IGSF9B: variants seen among roughly 807,000 people sequenced by gnomAD.
The protein encoded by IGSF9B is protein turtle homolog B.
Under a neutral mutation model 143.7 loss-of-function variants are expected in IGSF9B, and 48 were observed. That is an observed-to-expected ratio of 0.33 (90% CI 0.26 to 0.42). The LOEUF is 0.42. IGSF9B is among the 20% of genes least tolerant of loss of function. The probability of loss-of-function intolerance (pLI) is 1.00; values close to 1 mark genes in which losing one functional copy is unlikely to be tolerated. For synonymous variants in IGSF9B, 903 were observed against 833.1 expected (o/e 1.08, Z -1.44); for missense variants, 1,706 against 1,980.0 (o/e 0.86, Z 2.63).
At chr11:133,934,423 A>C (rs1366815495) in intron 7 of IGSF9B, among the ~76,000 whole-genome samples, 2 of 152,150 alleles carry the variant, frequency 1.3e-5, no homozygotes, top group Non-Finnish European at 2.9e-5. Context: ...GCACATCCTA[A>C]GTCATGTATG....
chr11:133,920,493 G>C lies in IGSF9B; in HGVS notation c.3232C>G (p.Arg1078Gly), dbSNP rs187022741. The change falls in exon 18 of 20, where the codon CGA (arginine) becomes GGA (glycine). Residue 1078 changes from arginine to glycine, a missense_variant. Arg to Gly is a moderately radical substitution (Grantham distance 125, BLOSUM62 -2). Coordinates refer to ENST00000533871, the MANE Select transcript of IGSF9B (RefSeq NM_001277285.4). ...TGCAGGGAGGTGGGGGGCAGTCCTC[G>C]GGGGAGGCCGGCCTTGGGCTGCAGA... ...ESLQPKAGLP[R>G]GLPPTSLQVP... 1 of 1,582,700 alleles carries C rather than the reference G, an allele frequency of 6.3e-7. No individual in the cohort carries two copies. The highest frequency in any genetic ancestry group is 8.6e-7 in the Non-Finnish European group (1 of 1,163,712).
chr11:133,933,059 C>A (rs1939762975), intron 7 of IGSF9B, among the ~76,000 whole-genome samples: 1 of 152,122 alleles, frequency 6.6e-6, no homozygotes, highest in Admixed American at 6.5e-5. Context: ...AGGTGAGAAT[C>A]CAGGCCGGAG....
At position 133,925,750 on chromosome 11, in the gene IGSF9B, C is replaced by A; in HGVS notation, c.2023G>T (p.Asp675Tyr). 1 of 1,613,252 alleles carries A rather than the reference C, an allele frequency of 6.2e-7. No individual in the cohort carries two copies. Among genetic ancestry groups the A allele is most frequent in the Non-Finnish European group, 8.5e-7 (1 of 1,179,606 alleles). ...PGTEGEFFAK[D>Y]LSQDTWYEFR... is the part of the protein sequence containing the mutation. ...AGCAAAGCCCTCACCTGTGACAGAT[C>A]CTTGGCAAAGAACTCTCCTTCGGTG... is the stretch of plus-strand genomic sequence containing the variant. Residue 675 changes from aspartate to tyrosine, a missense_variant, in exon 14 of 20, where the codon GAT becomes TAT. Transcript: ENST00000533871.
chr11:133,902,016 TACACACACCATACC>T lies in IGSF9B; in HGVS notation c.*7039_*7052del, dbSNP rs1442650196. Among the ~76,000 whole-genome samples the T allele has an allele frequency of 2.1e-5, 2 of 96,890 alleles. No homozygotes were observed. The highest frequency in any genetic ancestry group is 4.1e-5 in the Non-Finnish European group (2 of 48,764). 63.6% of individuals were successfully genotyped at this position (96,890 alleles called of 152,430 possible). A position where few individuals can be genotyped will look rare whatever the true frequency, so the allele number is the denominator to read the frequency against. On this transcript the variant is annotated 3_prime_UTR_variant, in exon 20 of 20. Transcript: ENST00000533871. ...ATCACACACACACACACACCAGACA[TACACACACCATACC>T]ACACACCACACCCACACACAATACA...
intron 12 of IGSF9B, 123 bp downstream of exon 12, chr11:133,929,548 G>A (rs1939685812): frequency 1.5e-6 from 1 of 686,546 alleles, no homozygotes; most frequent in Non-Finnish European, 2.6e-6. Flanking sequence ...GTCTGTGCAG[G>A]GCTGGCAGGC....
intron 7 of IGSF9B, among the ~76,000 whole-genome samples, chr11:133,933,996 TC>T (rs1351677435): frequency 7.3e-5 from 11 of 151,464 alleles, no homozygotes; most frequent in Non-Finnish European, 1.5e-4. Flanking sequence ...TTTTTTTTTT[TC>T]CTCCAAGGTT....
chr11:133,920,113 C>G lies in IGSF9B; in HGVS notation c.3612G>C (p.Leu1204=). The part of the protein sequence containing the change: ...VVLQPSRLSP[L]TQSPLSSRTG... ...TGCGGGAGCTGAGGGGGCTTTGGGTCAGAGGTGAGAGCCGGGAGGGCTGTA... is the reference window on the plus strand; with the variant it reads ...TGCGGGAGCTGAGGGGGCTTTGGGTGAGAGGTGAGAGCCGGGAGGGCTGTA... The change falls in exon 18 of 20, where the codon CTG becomes CTC. Residue 1204 remains leucine, a synonymous_variant. Transcript: ENST00000533871. 2 of 1,515,958 alleles carry G rather than the reference C, an allele frequency of 1.3e-6. No individual in the cohort carries two copies. The highest frequency in any genetic ancestry group is 1.8e-6 in the Non-Finnish European group (2 of 1,132,134). 93.9% of individuals were successfully genotyped at this position (1,515,958 alleles called of 1,614,324 possible).
intron 18 of IGSF9B, chr11:133,919,128 G>GGGGA: frequency 3.0e-6 from 1 of 335,538 alleles, no homozygotes; most frequent in Non-Finnish European, 6.0e-6. Flanking sequence ...CGGGGGGGGG[G>GGGGA]TGGGGGACGT....
intron 18 of IGSF9B, among the ~76,000 whole-genome samples, chr11:133,918,095 G>A (rs987531769): frequency 5.9e-5 from 9 of 151,956 alleles, no homozygotes; most frequent in Non-Finnish European, 8.8e-5. Flanking sequence ...AGCGTGGCTC[G>A]ATGTGGGGAA....
chr11:133,920,838 G>T lies in IGSF9B; in HGVS notation c.2887C>A (p.His963Asn), dbSNP rs778276636. The change falls in exon 18 of 20, where the codon CAT (histidine) becomes AAT (asparagine). Residue 963 changes from histidine to asparagine, a missense_variant. Physicochemically the swap from His to Asn is moderately conservative, Grantham distance 68 (BLOSUM62 1). Transcript: ENST00000533871. ...CTGAGGTACCCATAATACTGGCCAT[G>T]GTGGAAGGGCCGGGGGGCAGGGGGC... ...ARPPAPRPFH[H>N]GQYYGYLSSS... is the part of the protein sequence containing the mutation. 1 of 1,601,072 alleles carries T rather than the reference G, an allele frequency of 6.2e-7. No individual in the cohort carries two copies. The highest frequency in any genetic ancestry group is 8.5e-7 in the Non-Finnish European group (1 of 1,173,056).
chr11:133,926,047 T>A (rs1256161065), intron 13 of IGSF9B, 82 bp from the exon 14 acceptor site: 1 of 1,011,724 alleles, frequency 9.9e-7, no homozygotes, highest in Non-Finnish European at 1.5e-6. Flanking sequence ...CCTGTGCACA[T>A]GTCAGGGCCC....
chr11:133,937,386 C>T lies in IGSF9B; in HGVS notation c.669G>A (p.Leu223=), dbSNP rs776690816. 2.5e-6 allele frequency: 4 copies of T among 1,609,976 alleles called. No homozygotes were observed. In the African/African-American group the frequency reaches 5.3e-5, roughly 22 times the overall value. ...IQGEAVHTTH[L]LVQGPPFIVS... is the part of the protein sequence containing the mutation. ...GGAAATGGCTCCTACCTTGGACAAG[C>T]AGGTGAGTCGTGTGGACAGCCTCCC... Residue 223 remains leucine (L), a synonymous_variant, in exon 5 of 20, where the codon CTG becomes CTA. Transcript: ENST00000533871.
rs1939275437 is a variant in IGSF9B at position 133,909,993 on chromosome 11, A to C, written c.4106-716T>G. Reference sequence around the variant, plus strand: ...CCTTCCACAGATCTGAAGAAAAATTATTCCCAACAGAAGAAATGGCATGTG... The same window carrying C: ...CCTTCCACAGATCTGAAGAAAAATTCTTCCCAACAGAAGAAATGGCATGTG... On this transcript the variant is annotated intron_variant, in intron 19 of 19. Coordinates refer to ENST00000533871, the MANE Select transcript of IGSF9B (RefSeq NM_001277285.4). The surrounding 1 kb of genome is among the most constrained non-coding windows in gnomAD (Gnocchi z 4.2). Among the ~76,000 whole-genome samples, 1 of 152,244 alleles carries C rather than the reference A, an allele frequency of 6.6e-6. No individual in the cohort carries two copies. Among genetic ancestry groups the C allele is most frequent in the Non-Finnish European group, 1.5e-5 (1 of 68,036 alleles).
intron 3 of IGSF9B, among the ~76,000 whole-genome samples, chr11:133,939,344 G>A (rs1321327904): frequency 6.6e-6 from 1 of 152,176 alleles, no homozygotes; most frequent in Non-Finnish European, 1.5e-5. Flanking sequence ...TTTCTTCAAA[G>A]CACATATCAC....
chr11:133,919,814 G>C lies in IGSF9B; in HGVS notation c.3911C>G (p.Thr1304Arg). The change falls in exon 18 of 20, where the codon ACG becomes AGG. Residue 1304 changes from threonine to arginine, a missense_variant. Thr to Arg is a moderately conservative substitution (Grantham distance 71, BLOSUM62 -1). Transcript: ENST00000533871. ...PGDSLDVFGQ[T>R]PSPRRTGEEL... is the part of the protein sequence containing the mutation. ...CTCCCCCGTCCTTCGAGGGGAAGGCGTCTGTCCAAACACGTCCAAGCTGTC... is the reference window on the plus strand; with the variant it reads ...CTCCCCCGTCCTTCGAGGGGAAGGCCTCTGTCCAAACACGTCCAAGCTGTC... The C allele has an allele frequency of 2.0e-6, 3 of 1,528,588 alleles. No individual in the cohort carries two copies. Among genetic ancestry groups the C allele is most frequent in the East Asian group, 2.3e-5 (1 of 43,582 alleles). 94.7% of individuals were successfully genotyped at this position (1,528,588 alleles called of 1,614,324 possible).
chr11:133,952,911 G>A (rs771818259), intron 1 of IGSF9B, among the ~76,000 whole-genome samples: 6 of 152,168 alleles, frequency 3.9e-5, no homozygotes, highest in Admixed American at 1.3e-4. Flanking sequence ...TAGGAAGCAG[G>A]TGGAAGGGGA....
chr11:133,956,530 C>T (rs1334863989), intron 1 of IGSF9B, among the ~76,000 whole-genome samples, 161 bp downstream of exon 1: 2 of 92 alleles, frequency 0.022, no homozygotes, highest in African/African-American at 0.077. Flanking sequence ...GCAATGCTCC[C>T]GGGCCGCCTG....
chr11:133,936,916 G>C (rs968068076), intron 5 of IGSF9B, among the ~76,000 whole-genome samples: 1 of 152,210 alleles, frequency 6.6e-6, no homozygotes, highest in Admixed American at 6.5e-5. Flanking sequence ...AGGGCAGTCT[G>C]GCATCTCCCT....
Position 133,937,845 on chromosome 11 carries a change from CCTTGAG to C in IGSF9B, c.520_525del (p.Leu174_Lys175del). ...CCACTAGCACCGAGGAGCGTCCCCTCCTTGAGCCAGGTGACAATGGGCTTGGGGTTC... is the reference window on the plus strand; with the variant it reads ...CCACTAGCACCGAGGAGCGTCCCCTCCCAGGTGACAATGGGCTTGGGGTTC... On this transcript the variant is annotated inframe_deletion, in exon 4 of 20. Transcript: ENST00000533871. 6.2e-7 allele frequency: 1 copy of C among 1,610,926 alleles called. No homozygotes were observed. Among genetic ancestry groups the C allele is most frequent in the Non-Finnish European group, 8.5e-7 (1 of 1,178,504 alleles).
Sources: gnomAD v4.1 joint callset for allele counts (sites outside exome capture counted in the v4.1 genomes callset) on GRCh38, gnomAD v4.1.1 for gene constraint, Gnocchi (gnomAD v3.1) non-coding constraint, MANE v1.5 for transcripts, NCBI Gene and HGNC (gene_info 2026-07-23, HGNC 2026-07-21) for gene names.